PLCE1: variants seen among roughly 807,000 people sequenced by gnomAD.
PLCE1 encodes the protein 1-phosphatidylinositol 4,5-bisphosphate phosphodiesterase epsilon-1.
PLCE1 carries 119 observed loss-of-function variants against 242.8 expected under a neutral mutation model. That is an observed-to-expected ratio of 0.49 (90% CI 0.42 to 0.57). The LOEUF (loss-of-function observed/expected upper bound fraction) is 0.57. Among genes scored for constraint, PLCE1 ranks in the 20% least tolerant of loss-of-function variants. The pLI, the probability that PLCE1 is intolerant of heterozygous loss-of-function variation, is 0.00. For synonymous variants in PLCE1, 945 were observed against 1,017.4 expected (o/e 0.93, Z 1.35); for missense variants, 2,441 against 2,788.8 (o/e 0.88, Z 2.81).
intron 3 of PLCE1, among the ~76,000 whole-genome samples, chr10:94,147,562 C>T (rs909416856): frequency 1.3e-5 from 2 of 152,064 alleles, no homozygotes; most frequent in African/African-American, 2.4e-5. Context: ...GAGTGCCTGC[C>T]GTGGACTAGA....
At chr10:94,065,667 CA>C (rs1377978659) in intron 2 of PLCE1, among the ~76,000 whole-genome samples, 1 of 152,118 alleles carries the variant, frequency 6.6e-6, no homozygotes, top group African/African-American at 2.4e-5. Flanking sequence ...GCCTGTTATA[CA>C]AAAGAAGGCC....
chr10:94,017,085 A>C (rs527412921), intron 1 of PLCE1, among the ~76,000 whole-genome samples: 1 of 152,166 alleles, frequency 6.6e-6, no homozygotes, highest in South Asian at 2.1e-4. Context: ...ATTTCCCTTG[A>C]CCTTCCTGGG....
intron 27 of PLCE1, among the ~76,000 whole-genome samples, chr10:94,309,205 T>C (rs894738099): frequency 6.6e-6 from 1 of 152,320 alleles, no homozygotes; most frequent in South Asian, 2.1e-4. Context: ...GAGTGAGCAA[T>C]AGGCTCTGCT....
At chr10:94,115,954 A>G (rs1250997031) in intron 2 of PLCE1, among the ~76,000 whole-genome samples, 1 of 152,150 alleles carries the variant, frequency 6.6e-6, no homozygotes, top group East Asian at 1.9e-4. Flanking sequence ...ACTCAATGCA[A>G]CAGGGATGAG....
chr10:94,158,413 A>G (rs1251551821), intron 3 of PLCE1, among the ~76,000 whole-genome samples: 1 of 152,184 alleles, frequency 6.6e-6, no homozygotes, highest in East Asian at 1.9e-4. Context: ...TTTTTACCCA[A>G]TGTAATCAGA....
In PLCE1 at chr10:94,298,050, T is replaced by A. The variant is rs895231044; in HGVS notation, c.5168-329T>A. 1.3e-5 allele frequency among the ~76,000 whole-genome samples: 2 copies of A among 152,118 alleles called. No homozygotes were observed. The highest frequency in any genetic ancestry group is 2.9e-5 in the Non-Finnish European group (2 of 68,024). On this transcript the variant is annotated intron_variant, in intron 23 of 32. Coordinates refer to ENST00000371380, the MANE Select transcript of PLCE1 (RefSeq NM_016341.4). The surrounding 1 kb of genome is among the most constrained non-coding windows in gnomAD (Gnocchi z 5.2). ...TGGGGTTTTTTGTTTGGTTTTATTTTATTTTTTTACTTTTTGTAGAGATGG... is the reference window on the plus strand; with the variant it reads ...TGGGGTTTTTTGTTTGGTTTTATTTAATTTTTTTACTTTTTGTAGAGATGG...
intron 1 of PLCE1, among the ~76,000 whole-genome samples, chr10:94,001,907 C>T (rs1405206588): frequency 6.6e-6 from 1 of 152,194 alleles, no homozygotes; most frequent in Non-Finnish European, 1.5e-5. Context: ...TTCCTTTTCC[C>T]TCCACAAAGG....
intron 4 of PLCE1, among the ~76,000 whole-genome samples, chr10:94,181,226 A>C (rs1412079925): frequency 2.0e-5 from 3 of 152,156 alleles, no homozygotes; most frequent in African/African-American, 4.8e-5. Context: ...GCCCACCCCC[A>C]AGAGATTCTG....
At chr10:94,238,834 C>T (rs573455525) in intron 7 of PLCE1, among the ~76,000 whole-genome samples, 1 of 152,204 alleles carries the variant, frequency 6.6e-6, no homozygotes, top group Admixed American at 6.5e-5. Flanking sequence ...TGGCATGCTG[C>T]ACCTTAAGAA....
Position 94,031,241 on chromosome 10 carries a change from T to G in PLCE1, c.195T>G (p.Ser65=). 1.2e-6 allele frequency: 2 copies of G among 1,613,890 alleles called. No individual in the cohort carries two copies. Among genetic ancestry groups the G allele is most frequent in the Non-Finnish European group, 1.7e-6 (2 of 1,179,876 alleles). The part of the protein sequence containing the change: ...SQLNKLKEEP[S]GSNLPKILSI... Reference sequence around the variant, plus strand: ...TGAACAAACTTAAAGAAGAACCTTCTGGAAGCAACTTGCCAAAGATTCTCT... The same window carrying G: ...TGAACAAACTTAAAGAAGAACCTTCGGGAAGCAACTTGCCAAAGATTCTCT... Residue 65 remains serine, a synonymous_variant, in exon 2 of 33, where the codon TCT becomes TCG. Coordinates refer to ENST00000371380, the MANE Select transcript of PLCE1 (RefSeq NM_016341.4).
At chr10:94,087,218 C>T (rs2044860895) in intron 2 of PLCE1, among the ~76,000 whole-genome samples, 1 of 151,514 alleles carries the variant, frequency 6.6e-6, no homozygotes, top group Non-Finnish European at 1.5e-5. Flanking sequence ...GGTGTGGTGG[C>T]TTGCACCTGT....
At chr10:94,135,263 T>TA (rs1286092985) in intron 3 of PLCE1, among the ~76,000 whole-genome samples, 2 of 152,118 alleles carry the variant, frequency 1.3e-5, no homozygotes, top group African/African-American at 2.4e-5. Context: ...TTTGTCAACT[T>TA]AAAAAAATTA....
intron 2 of PLCE1, among the ~76,000 whole-genome samples, chr10:94,113,751 G>T (rs895709834): frequency 1.3e-5 from 2 of 152,202 alleles, no homozygotes. Flanking sequence ...GGGAATGGGA[G>T]TGGCAGTGGG....
chr10:94,114,280 T>C lies in PLCE1; in HGVS notation c.1207-17894T>C, dbSNP rs903324584. 2.0e-5 allele frequency among the ~76,000 whole-genome samples: 3 copies of C among 152,154 alleles called. No homozygotes were observed. In the South Asian group the frequency reaches 6.2e-4, roughly 32 times the overall value. On this transcript the variant is annotated intron_variant, in intron 2 of 32. Coordinates refer to ENST00000371380, the MANE Select transcript of PLCE1 (RefSeq NM_016341.4). The stretch of plus-strand genomic sequence containing the variant: ...CTCACTTCCCCCAAAGTGGAGCAAA[T>C]TGGGCTCCCCAGCTTTTCTTTTCCT...
rs2043672773 is a variant in PLCE1 at position 94,048,698 on chromosome 10, A to ATGT, written c.1206+16446_1206+16447insTGT. ...TATTTAATATATTTATAAATAATATAAATATATATTAAATATATATGTATA... is the reference window on the plus strand; with the variant it reads ...TATTTAATATATTTATAAATAATATATGTAATATATATTAAATATATATGTATA... On this transcript the variant is annotated intron_variant, in intron 2 of 32. Coordinates refer to ENST00000371380, the MANE Select transcript of PLCE1 (RefSeq NM_016341.4). Among the ~76,000 whole-genome samples, 5 of 146,276 alleles carry ATGT rather than the reference A, an allele frequency of 3.4e-5. No individual in the cohort carries two copies. The Admixed American group carries it at 3.5e-4, about 10-fold the overall frequency.
chr10:94,223,459 G>A (rs2049832332), intron 4 of PLCE1, among the ~76,000 whole-genome samples: 1 of 152,126 alleles, frequency 6.6e-6, no homozygotes, highest in African/African-American at 2.4e-5. Context: ...ACCAGGGAAA[G>A]GTCATTTTGA....
intron 8 of PLCE1, 90 bp downstream of exon 8, chr10:94,246,711 C>A: frequency 2.5e-6 from 3 of 1,199,662 alleles, no homozygotes; most frequent in African/African-American, 1.5e-5. Context: ...ATGCTCCCAG[C>A]TCTGACAGTT....
At position 94,330,247 on chromosome 10, in the gene PLCE1, G is replaced by C. The variant is rs187215475; in HGVS notation, c.*2304G>C. The C allele has an allele frequency of 2.6e-5, 4 of 152,340 alleles. No homozygotes were observed. The East Asian group carries it at 7.7e-4, about 29-fold the overall frequency. The allele number at this position is 152,340 out of a possible 1,614,324, so 9.4% of individuals were successfully genotyped here. A position where few individuals can be genotyped will look rare whatever the true frequency, so the allele number is the denominator to read the frequency against. ...AAATCTGAGACTGAAGTTGAGACCA[G>C]GTTGTTTAGCAAGTGAGAGAATCCA... On this transcript the variant is annotated 3_prime_UTR_variant, in exon 33 of 33. Coordinates refer to ENST00000371380, the MANE Select transcript of PLCE1 (RefSeq NM_016341.4).
Position 94,177,818 on chromosome 10 carries a change from G to T in PLCE1, c.1809+6322G>T, listed in dbSNP as rs140068652. The stretch of plus-strand genomic sequence containing the variant: ...TTTTTATAGACAATTTTACCAAAAA[G>T]ATTACATACTTTAGTGCATGCAGGT... On this transcript the variant is annotated intron_variant, in intron 4 of 32. Coordinates refer to ENST00000371380, the MANE Select transcript of PLCE1 (RefSeq NM_016341.4). Among the ~76,000 whole-genome samples the T allele has an allele frequency of 4.2e-3, 636 of 152,300 alleles. 5 individuals are homozygous for T. The highest frequency in any genetic ancestry group is 0.013 in the African/African-American group (549 of 41,562).
Sources: gnomAD v4.1 joint callset for allele counts (sites outside exome capture counted in the v4.1 genomes callset) on GRCh38, gnomAD v4.1.1 for gene constraint, Gnocchi (gnomAD v3.1) non-coding constraint, MANE v1.5 for transcripts, NCBI Gene and HGNC (gene_info 2026-07-23, HGNC 2026-07-21) for gene names.